Variants in METTL2B observed in about 807,000 individuals in gnomAD.
METTL2B encodes tRNA N(3)-cytidine methyltransferase METTL2B.
In METTL2B, 28 loss-of-function variants were observed where a neutral mutation model predicts 51.0. The ratio of observed to expected loss-of-function variants is 0.55; its 90% CI spans 0.41 to 0.75. The LOEUF is 0.75. Ranked by LOEUF, METTL2B falls within the 30% of genes least tolerant of loss-of-function variation. The pLI is 0.00. For synonymous variants in METTL2B, 128 were observed against 166.3 expected (o/e 0.77, Z 1.77); for missense variants, 313 against 460.7 (o/e 0.68, Z 2.93).
intron 3 of METTL2B, among the ~76,000 whole-genome samples, chr7:128,480,163 A>G (rs180858217): frequency 4.6e-5 from 7 of 152,280 alleles, no homozygotes; most frequent in Admixed American, 4.6e-4. Context: ...ACTTATGAGG[A>G]TGGAGATAAT....
chr7:128,499,261 A>G (rs1164982838), intron 7 of METTL2B, among the ~76,000 whole-genome samples: 1 of 152,238 alleles, frequency 6.6e-6, no homozygotes, highest in Admixed American at 6.5e-5. Flanking sequence ...CAACACTTCA[A>G]GGAAATAAAA....
At position 128,488,563 on chromosome 7, in the gene METTL2B, C is replaced by T. The variant is rs188386816; in HGVS notation, c.669+402C>T. ...TTCCACAAATCACATCTGTGTAAGA[C>T]GGTCAACTTAATAAATGCATGTGTT... On this transcript the variant is annotated intron_variant, in intron 5 of 8. Coordinates refer to ENST00000262432, the MANE Select transcript of METTL2B (RefSeq NM_018396.3). 178 of 455,082 alleles carry T rather than the reference C, an allele frequency of 3.9e-4. 1 individual carries two copies. The highest frequency in any genetic ancestry group is 2.3e-3 in the East Asian group (32 of 14,204). The allele number at this position is 455,082 out of a possible 1,614,324, so 28.2% of individuals were successfully genotyped here.
chr7:128,491,104 G>A (rs1215436699), intron 5 of METTL2B, among the ~76,000 whole-genome samples: 4 of 144,470 alleles, frequency 2.8e-5, no homozygotes, highest in Non-Finnish European at 4.5e-5. Flanking sequence ...GCAGTGAGCC[G>A]AGATCGTGCC....
At position 128,498,081 on chromosome 7, in the gene METTL2B, G is replaced by C. The variant is rs370089224; in HGVS notation, c.855G>C (p.Gly285=). The C allele has an allele frequency of 1.9e-6, 3 of 1,613,866 alleles. No homozygotes were observed. The highest frequency in any genetic ancestry group is 2.2e-5 in the East Asian group (1 of 44,888). The change falls in exon 7 of 9, where the codon GGG becomes GGC. Residue 285 remains glycine (G), a synonymous_variant. Transcript: ENST00000262432. ...INRLSRLLKP[G]GMVLLRDYGR... is the part of the protein sequence containing the mutation. ...GGCTGAGCAGGCTTCTGAAACCTGGGGGGATGGTACTTCTGCGAGATTACG... is the reference window on the plus strand; with the variant it reads ...GGCTGAGCAGGCTTCTGAAACCTGGCGGGATGGTACTTCTGCGAGATTACG...
rs1793043984 is a variant in METTL2B at position 128,502,280 on chromosome 7, T to A, written c.*364T>A. On this transcript the variant is annotated 3_prime_UTR_variant, in exon 9 of 9. Transcript: ENST00000262432. Reference sequence around the variant, plus strand: ...TCAAGTTCTTTCTTTGAGACCTCAATCTGTCTTAGCATTTTGTAACTAATA... The same window carrying A: ...TCAAGTTCTTTCTTTGAGACCTCAAACTGTCTTAGCATTTTGTAACTAATA... 1 of 252,694 alleles carries A rather than the reference T, an allele frequency of 4.0e-6. No individual in the cohort carries two copies. 15.7% of individuals were successfully genotyped at this position (252,694 alleles called of 1,614,324 possible).
intron 1 of METTL2B, 95 bp downstream of exon 1, chr7:128,476,970 A>C (rs567918605): frequency 6.7e-4 from 1,062 of 1,589,392 alleles, no homozygotes; most frequent in Non-Finnish European, 8.5e-4. Flanking sequence ...GCCACGAGTC[A>C]AGCTGCCCTA....
In METTL2B at chr7:128,498,084, G is replaced by A. The variant is rs149361756; in HGVS notation, c.858G>A (p.Gly286=). ...NRLSRLLKPG[G]MVLLRDYGRY... is the part of the protein sequence containing the mutation. The stretch of plus-strand genomic sequence containing the variant: ...TGAGCAGGCTTCTGAAACCTGGGGG[G>A]ATGGTACTTCTGCGAGATTACGGCC... The change falls in exon 7 of 9, where the codon GGG becomes GGA. Residue 286 remains glycine, a synonymous_variant. Coordinates refer to ENST00000262432, the MANE Select transcript of METTL2B (RefSeq NM_018396.3). The A allele has an allele frequency of 1.1e-3, 1,799 of 1,613,898 alleles. 2 individuals are homozygous for A. Among genetic ancestry groups the A allele is most frequent in the Non-Finnish European group, 1.4e-3 (1,694 of 1,179,952 alleles).
intron 7 of METTL2B, 93 bp from the exon 8 acceptor site, chr7:128,500,810 C>G (rs1793015034): frequency 6.8e-7 from 1 of 1,464,488 alleles, no homozygotes; most frequent in African/African-American, 1.4e-5. Context: ...TGCTCTCCAC[C>G]CAACAAACTG....
Position 128,502,402 on chromosome 7 carries a change from G to T in METTL2B, c.*486G>T. 3.4e-6 allele frequency: 1 copy of T among 297,842 alleles called. No individual in the cohort carries two copies. The highest frequency in any genetic ancestry group is 6.6e-6 in the Non-Finnish European group (1 of 151,530). The allele number at this position is 297,842 out of a possible 1,614,324, so 18.4% of individuals were successfully genotyped here. A position where few individuals can be genotyped will look rare whatever the true frequency, so the allele number is the denominator to read the frequency against. On this transcript the variant is annotated 3_prime_UTR_variant, in exon 9 of 9. Transcript: ENST00000262432. ...TGACAAGTGTTTTTTGATTGTAATT[G>T]CGTTAAATCTTTTGAGAGTGTAAAT...
At chr7:128,499,466 C>T (rs915242106) in intron 7 of METTL2B, among the ~76,000 whole-genome samples, 1 of 151,934 alleles carries the variant, frequency 6.6e-6, no homozygotes, top group African/African-American at 2.4e-5. Context: ...ACCTTGGCCT[C>T]CCAAAATGCT....
In METTL2B at chr7:128,480,538, C is replaced by T. The variant is rs530879289; in HGVS notation, c.559-109C>T. On this transcript the variant is annotated intron_variant, in intron 3 of 8. Transcript: ENST00000262432. ...TTTAGCTCTGGTCACTACACCTTCC[C>T]TAATACAGTTAGGCCAGATTCTTGT... 25 of 1,546,554 alleles carry T rather than the reference C, an allele frequency of 1.6e-5. No individual in the cohort carries two copies. The South Asian group carries it at 2.7e-4, about 17-fold the overall frequency.
intron 3 of METTL2B, among the ~76,000 whole-genome samples, chr7:128,480,011 T>C (rs1224238370): frequency 6.6e-6 from 1 of 152,168 alleles, no homozygotes; most frequent in African/African-American, 2.4e-5. Flanking sequence ...ATTGGTATAA[T>C]GTAAATTCAT....
intron 5 of METTL2B, among the ~76,000 whole-genome samples, chr7:128,490,162 C>G (rs1018972179): frequency 1.6e-4 from 25 of 152,118 alleles, no homozygotes; most frequent in African/African-American, 6.0e-4. Flanking sequence ...AGCATCTTTT[C>G]TGGAGTAGAT....
intron 4 of METTL2B, among the ~76,000 whole-genome samples, chr7:128,486,101 C>T (rs1792701526): frequency 6.6e-6 from 1 of 152,064 alleles, no homozygotes; most frequent in African/African-American, 2.4e-5. Context: ...CGAGCCCAGC[C>T]TGGCCAACAT....
At chr7:128,480,245 C>T (rs1373888778) in intron 3 of METTL2B, among the ~76,000 whole-genome samples, 1 of 152,200 alleles carries the variant, frequency 6.6e-6, no homozygotes, top group East Asian at 1.9e-4. Flanking sequence ...GTCTTCATTA[C>T]CACGCAGCAC....
intron 4 of METTL2B, among the ~76,000 whole-genome samples, chr7:128,485,378 T>C (rs538483013): frequency 6.6e-6 from 1 of 152,148 alleles, no homozygotes; most frequent in African/African-American, 2.4e-5. Flanking sequence ...ACAAAAAAAT[T>C]AGCCGCCTGG....
chr7:128,480,528 T>C, intron 3 of METTL2B, 119 bp from the exon 4 acceptor site: 1 of 1,487,964 alleles, frequency 6.7e-7, no homozygotes, highest in Non-Finnish European at 9.0e-7. Flanking sequence ...CTCTGGTCAC[T>C]ACACCTTCCC....
At chr7:128,498,310 G>T (rs1792962304) in intron 7 of METTL2B, among the ~76,000 whole-genome samples, 168 bp downstream of exon 7, 1 of 151,214 alleles carries the variant, frequency 6.6e-6, no homozygotes, top group Non-Finnish European at 1.5e-5. Context: ...CATGGACGCG[G>T]GGTGGGGGGC....
intron 3 of METTL2B, 131 bp downstream of exon 3, chr7:128,479,644 G>C: frequency 1.0e-6 from 1 of 979,374 alleles, no homozygotes; most frequent in East Asian, 2.6e-5. Context: ...CCTTATATTA[G>C]CCTGGAATCA....
Sources: allele counts gnomAD v4.1 joint callset (sites outside exome capture counted in the v4.1 genomes callset), GRCh38; gene constraint gnomAD v4.1.1; transcripts MANE v1.5; gene names NCBI Gene and HGNC (gene_info 2026-07-23, HGNC 2026-07-21).